Variants in SLC22A4 observed in about 807,000 individuals in gnomAD.
SLC22A4 encodes ET transporter.
SLC22A4 carries 39 observed loss-of-function variants against 56.6 expected under a neutral mutation model. That is an observed-to-expected ratio of 0.69 (90% CI 0.53 to 0.90). The LOEUF is 0.90. Ranked by LOEUF, SLC22A4 falls within the 40% of genes least tolerant of loss-of-function variation. SLC22A4 has a pLI of 0.00. For missense variants in SLC22A4, 594 were observed against 696.5 expected (o/e 0.85, Z 1.66); for synonymous variants, 241 against 281.4 (o/e 0.86, Z 1.44).
chr5:132,339,394 G>T (rs1360525267), intron 8 of SLC22A4, among the ~76,000 whole-genome samples: 1 of 151,752 alleles, frequency 6.6e-6, no homozygotes, highest in Non-Finnish European at 1.5e-5. Flanking sequence ...CCCCATGCCT[G>T]GTCCTCATTA....
chr5:132,304,002 T>G lies in SLC22A4; in HGVS notation c.394-8159T>G, dbSNP rs920738782. Among the ~76,000 whole-genome samples the G allele has an allele frequency of 6.6e-5, 10 of 152,330 alleles. No individual in the cohort carries two copies. The East Asian group carries it at 9.6e-4, about 15-fold the overall frequency. ...TTGCTCTCAAGAACAATGGAGAATTTAGTGGTAAGCAACTAAAAGGATTCT... is the reference window on the plus strand; with the variant it reads ...TTGCTCTCAAGAACAATGGAGAATTGAGTGGTAAGCAACTAAAAGGATTCT... On this transcript the variant is annotated intron_variant, in intron 1 of 9. Transcript: ENST00000200652.
At chr5:132,300,152 C>T (rs1280786000) in intron 1 of SLC22A4, among the ~76,000 whole-genome samples, 2 of 152,120 alleles carry the variant, frequency 1.3e-5, no homozygotes, top group South Asian at 2.1e-4. Context: ...AATTAGATTG[C>T]GTTATGCACT....
intron 6 of SLC22A4, among the ~76,000 whole-genome samples, chr5:132,334,355 CA>C (rs1301364335): frequency 6.6e-6 from 1 of 152,136 alleles, no homozygotes; most frequent in Non-Finnish European, 1.5e-5. Context: ...TGAGGAGGTA[CA>C]AACTATTCAG....
At chr5:132,313,521 A>C in intron 2 of SLC22A4, 93 bp from the exon 3 acceptor site, 1 of 1,198,432 alleles carries the variant, frequency 8.3e-7, no homozygotes, top group Non-Finnish European at 1.2e-6. Flanking sequence ...GCCCTGAAAA[A>C]ACACTAAGTC....
chr5:132,343,806 A>G lies in SLC22A4; in HGVS notation c.1627A>G (p.Asn543Asp). 2 of 1,609,590 alleles carry G rather than the reference A, an allele frequency of 1.2e-6. No individual in the cohort carries two copies. The highest frequency in any genetic ancestry group is 1.7e-5 in the Admixed American group (1 of 59,964). Residue 543 changes from asparagine to aspartate, a missense_variant, in exon 10 of 10, where the codon AAT (asparagine) becomes GAT (aspartate). By Grantham distance (23) the Asn-to-Asp change is conservative. Transcript: ENST00000200652. ...KTRDSMETEE[N>D]PKVLITAF Reference sequence around the variant, plus strand: ...AAGAGACTCAATGGAGACAGAAGAAAATCCCAAGGTTCTAATAACTGCATT... The same window carrying G: ...AAGAGACTCAATGGAGACAGAAGAAGATCCCAAGGTTCTAATAACTGCATT...
chr5:132,295,362 G>T, intron 1 of SLC22A4: 1 of 516,940 alleles, frequency 1.9e-6, no homozygotes, highest in Non-Finnish European at 3.8e-6. Context: ...CTTCCTGCCA[G>T]GCATGGGAGG....
chr5:132,319,218 C>G (rs1750456468), intron 3 of SLC22A4, among the ~76,000 whole-genome samples: 1 of 150,624 alleles, frequency 6.6e-6, no homozygotes, highest in South Asian at 2.1e-4. Context: ...AGGAAAATCG[C>G]TTGAACCCAG....
intron 3 of SLC22A4, among the ~76,000 whole-genome samples, chr5:132,320,634 C>T (rs1750503331): frequency 6.6e-6 from 1 of 152,088 alleles, no homozygotes; most frequent in African/African-American, 2.4e-5. Flanking sequence ...TTGAGAGGGA[C>T]CCACTGAGGC....
At chr5:132,340,470 C>T in intron 8 of SLC22A4, 95 bp from the exon 9 acceptor site, 1 of 1,166,690 alleles carries the variant, frequency 8.6e-7, no homozygotes, top group Non-Finnish European at 1.3e-6. Flanking sequence ...TAAATCCATT[C>T]TCTTATACTG....
chr5:132,327,281 AT>A lies in SLC22A4; in HGVS notation c.831del (p.Pro278LeufsTer7). 1 of 1,580,878 alleles carries A rather than the reference AT, an allele frequency of 6.3e-7. No homozygotes were observed. Among genetic ancestry groups the A allele is most frequent in the Non-Finnish European group, 8.6e-7 (1 of 1,158,420 alleles). ...AATATTAAAAATAAATTATAGGTTC[AT>A]TCCTGAATCTCCCCGATGGCTGATA... ...GVLCVPLWWF[I>X]PESPRWLISQ... On this transcript the variant is annotated frameshift_variant, in exon 5 of 10. Coordinates refer to ENST00000200652, the MANE Select transcript of SLC22A4 (RefSeq NM_003059.3). LOFTEE classifies it high-confidence loss of function.
intron 1 of SLC22A4, among the ~76,000 whole-genome samples, chr5:132,303,344 C>T (rs1749949713): frequency 6.6e-6 from 1 of 152,116 alleles, no homozygotes; most frequent in African/African-American, 2.4e-5. Context: ...GTCCTAAGGG[C>T]ATATATTTAT....
At chr5:132,300,373 G>C (rs775053473) in intron 1 of SLC22A4, among the ~76,000 whole-genome samples, 30 of 152,228 alleles carry the variant, frequency 2.0e-4, no homozygotes, top group Middle Eastern at 3.4e-3. Context: ...AAAATCCTGT[G>C]TCTCCTCAAA....
chr5:132,306,449 T>C lies in SLC22A4; in HGVS notation c.394-5712T>C, dbSNP rs1156729793. On this transcript the variant is annotated intron_variant, in intron 1 of 9. Transcript: ENST00000200652. ...TATATATATATATATATATAGTTGT[T>C]GTTGTTGTTGTTGTTGAGATGGAGT... Among the ~76,000 whole-genome samples the C allele has an allele frequency of 9.0e-5, 10 of 111,214 alleles. No homozygotes were observed. The Admixed American group carries it at 9.7e-4, about 11-fold the overall frequency. 73.0% of individuals were successfully genotyped at this position (111,214 alleles called of 152,430 possible).
At chr5:132,301,703 C>G (rs1185396208) in intron 1 of SLC22A4, among the ~76,000 whole-genome samples, 1 of 152,212 alleles carries the variant, frequency 6.6e-6, no homozygotes, top group Non-Finnish European at 1.5e-5. Flanking sequence ...ACAGACTAAC[C>G]CTCACATGCG....
chr5:132,337,695 TTTTA>T (rs1474169225), intron 8 of SLC22A4, among the ~76,000 whole-genome samples: 1 of 152,048 alleles, frequency 6.6e-6, no homozygotes, highest in African/African-American at 2.4e-5. Context: ...TTTTTGGCCA[TTTTA>T]TTTATTTTTC....
chr5:132,338,292 T>A (rs1340771300), intron 8 of SLC22A4, among the ~76,000 whole-genome samples: 1 of 152,062 alleles, frequency 6.6e-6, no homozygotes, highest in African/African-American at 2.4e-5. Context: ...AGTGTACGAA[T>A]AGGGTGTAGG....
intron 5 of SLC22A4, among the ~76,000 whole-genome samples, chr5:132,329,982 G>A (rs1055315211): frequency 6.6e-6 from 1 of 152,234 alleles, no homozygotes. Flanking sequence ...CTGGTCCACA[G>A]GTCCTGTCTG....
intron 1 of SLC22A4, among the ~76,000 whole-genome samples, chr5:132,307,886 G>C (rs563638924): frequency 2.0e-4 from 30 of 152,264 alleles, no homozygotes; most frequent in South Asian, 4.1e-4. Flanking sequence ...AAAACTGCCA[G>C]ACTTTGGCTA....
chr5:132,306,080 C>T (rs1750021923), intron 1 of SLC22A4, among the ~76,000 whole-genome samples: 1 of 151,974 alleles, frequency 6.6e-6, no homozygotes, highest in Non-Finnish European at 1.5e-5. Flanking sequence ...CACACAATAA[C>T]AAGTACTGGT....
Sources: gnomAD v4.1 joint callset for allele counts (sites outside exome capture counted in the v4.1 genomes callset) on GRCh38, gnomAD v4.1.1 for gene constraint, MANE v1.5 for transcripts, NCBI Gene and HGNC (gene_info 2026-07-23, HGNC 2026-07-21) for gene names.